SCFD1: variants seen among roughly 807,000 people sequenced by gnomAD.
SCFD1 encodes the protein sec1 family domain containing 1.
In SCFD1, 37 loss-of-function variants were observed where a neutral mutation model predicts 103.2. That is an observed-to-expected ratio of 0.36 (90% CI 0.28 to 0.47). The LOEUF (loss-of-function observed/expected upper bound fraction) is 0.47, where lower values mean the gene tolerates loss of function less well. SCFD1 is among the 20% of genes least tolerant of loss of function. SCFD1 has a pLI of 1.00. For synonymous variants in SCFD1, 264 were observed against 245.0 expected, an observed-to-expected ratio of 1.08 and a Z score of -0.73; for missense variants, 639 against 761.2, an observed-to-expected ratio of 0.84 and a Z score of 1.89.
chr14:30,647,284 T>C (rs75349179), intron 7 of SCFD1, among the ~76,000 whole-genome samples: 1 of 152,306 alleles, frequency 6.6e-6, no homozygotes, highest in African/African-American at 2.4e-5. Flanking sequence ...CTACCATGTA[T>C]AGTCTTAAGA....
intron 17 of SCFD1, among the ~76,000 whole-genome samples, chr14:30,704,428 T>A (rs770202074): frequency 1.3e-5 from 2 of 152,262 alleles, no homozygotes; most frequent in African/African-American, 4.8e-5. Context: ...TTCATGGAAG[T>A]ATTTACTGTT....
rs766347978 is a variant in SCFD1 at position 30,673,973 on chromosome 14, C to A, written c.1136C>A (p.Thr379Asn). 3.2e-5 allele frequency: 52 copies of A among 1,613,498 alleles called. No individual in the cohort carries two copies. In the East Asian group the frequency reaches 1.1e-3, roughly 35 times the overall value. Residue 379 changes from threonine to asparagine, a missense_variant, in exon 13 of 25, where the codon ACC becomes AAC. By Grantham distance (65) the Thr-to-Asn change is moderately conservative (BLOSUM62 0). Coordinates refer to ENST00000458591, the MANE Select transcript of SCFD1 (RefSeq NM_016106.4). The part of the protein sequence containing the change: ...EGAISMLSDN[T>N]AKLTSAVSSL... ...GCCATAAGTATGCTTTCTGACAATA[C>A]CGCTAAGCTAACATCAGCTGTTAGG...
At chr14:30,628,321 A>T (rs1340102535) in intron 2 of SCFD1, 42 bp downstream of exon 2, 1 of 1,335,246 alleles carries the variant, frequency 7.5e-7, no homozygotes, top group Non-Finnish European at 1.1e-6. Flanking sequence ...TGTTTTTCTC[A>T]GCCCTTATTG....
intron 18 of SCFD1, among the ~76,000 whole-genome samples, chr14:30,706,323 A>G (rs1891465656): frequency 6.6e-6 from 1 of 152,226 alleles, no homozygotes; most frequent in Admixed American, 6.5e-5. Context: ...GAGTAAACAC[A>G]TACATACATT....
intron 20 of SCFD1, among the ~76,000 whole-genome samples, chr14:30,718,718 AAATT>A (rs553006379): frequency 1.4e-3 from 217 of 152,344 alleles, no homozygotes; most frequent in Non-Finnish European, 2.3e-3. Flanking sequence ...TTAATTGAAT[AAATT>A]AAAACTAAGG....
At chr14:30,631,553 C>G (rs1468065207) in intron 3 of SCFD1, among the ~76,000 whole-genome samples, 1 of 151,762 alleles carries the variant, frequency 6.6e-6, no homozygotes, top group African/African-American at 2.4e-5. Flanking sequence ...CAGGGAGTGT[C>G]TATATTTTTT....
At position 30,644,007 on chromosome 14, in the gene SCFD1, C is replaced by G. The variant is rs1206616545; in HGVS notation, c.613+602C>G. On this transcript the variant is annotated intron_variant, in intron 7 of 24. Coordinates refer to ENST00000458591, the MANE Select transcript of SCFD1 (RefSeq NM_016106.4). ...GATAGGGAGTTTTTTGACCCTCATC[C>G]TCTATGCTCAGGTAGACCCCAATAT... The G allele has an allele frequency of 6.6e-6, 3 of 456,394 alleles. No individual in the cohort carries two copies. The East Asian group carries it at 2.1e-4, about 32-fold the overall frequency. The allele number at this position is 456,394 out of a possible 1,614,324, so 28.3% of individuals were successfully genotyped here. A position where few individuals can be genotyped will look rare whatever the true frequency, so the allele number is the denominator to read the frequency against.
At chr14:30,650,049 G>A (rs1246382563) in intron 8 of SCFD1, among the ~76,000 whole-genome samples, 1 of 152,170 alleles carries the variant, frequency 6.6e-6, no homozygotes, top group Non-Finnish European at 1.5e-5. Flanking sequence ...ATGAGTAAGG[G>A]ATTAGAGAAA....
chr14:30,705,960 A>G lies in SCFD1; in HGVS notation c.1553+75A>G, dbSNP rs1891440407. On this transcript the variant is annotated intron_variant, in intron 18 of 24. Transcript: ENST00000458591. Reference sequence around the variant, plus strand: ...TAGACTTTCATGCCTTAAAAACACAATGTCTGATACTTTGAATGCGGAAAA... The same window carrying G: ...TAGACTTTCATGCCTTAAAAACACAGTGTCTGATACTTTGAATGCGGAAAA... 5 of 1,165,316 alleles carry G rather than the reference A, an allele frequency of 4.3e-6. No individual in the cohort carries two copies. The African/African-American group carries it at 7.6e-5, about 18-fold the overall frequency. 72.2% of individuals were successfully genotyped at this position (1,165,316 alleles called of 1,614,324 possible).
chr14:30,719,007 G>A (rs1440002204), intron 20 of SCFD1, among the ~76,000 whole-genome samples: 2 of 152,100 alleles, frequency 1.3e-5, no homozygotes, highest in Admixed American at 6.5e-5. Flanking sequence ...TAGACTGCCT[G>A]GGTTCAAATC....
In SCFD1 at chr14:30,626,104, C is replaced by T. The variant is rs1280698746; in HGVS notation, c.62-2105C>T. 2.0e-5 allele frequency among the ~76,000 whole-genome samples: 3 copies of T among 151,896 alleles called. No homozygotes were observed. The East Asian group carries it at 5.8e-4, about 29-fold the overall frequency. ...GGAGAGTTAATCCTGAAACCCCCTC[C>T]GTGCTTCCTGTGTTATTTCAGTTTT... On this transcript the variant is annotated intron_variant, in intron 1 of 24. Transcript: ENST00000458591.
chr14:30,624,888 G>A (rs1354013345), intron 1 of SCFD1, among the ~76,000 whole-genome samples: 1 of 151,896 alleles, frequency 6.6e-6, no homozygotes, highest in Non-Finnish European at 1.5e-5. Flanking sequence ...TTTCTTCTTT[G>A]TGGAGTACTG....
intron 1 of SCFD1, among the ~76,000 whole-genome samples, chr14:30,622,679 C>A (rs1882975595): frequency 6.6e-6 from 1 of 152,202 alleles, no homozygotes; most frequent in African/African-American, 2.4e-5. Flanking sequence ...ACAACAAGAT[C>A]TAGCAGCTGA....
chr14:30,726,070 C>G (rs140528863), intron 23 of SCFD1, among the ~76,000 whole-genome samples: 97 of 152,304 alleles, frequency 6.4e-4, no homozygotes, highest in African/African-American at 2.2e-3. Context: ...CGCTCTTACC[C>G]TTGGTTAAGC....
intron 24 of SCFD1, 36 bp from the exon 25 acceptor site, chr14:30,735,550 T>A (rs543964759): frequency 2.0e-5 from 29 of 1,465,882 alleles, no homozygotes; most frequent in Admixed American, 5.4e-5. Flanking sequence ...TGATCTTTTT[T>A]AAAAGTTTTA....
At chr14:30,722,370 A>G in intron 22 of SCFD1, 124 bp from the exon 23 acceptor site, 1 of 596,440 alleles carries the variant, frequency 1.7e-6, no homozygotes. Context: ...AACATTTCTT[A>G]ATAATTAAAA....
rs139341186 is a variant in SCFD1, at chr14:30,692,378, A to C, written c.1243-2395A>C. Among the ~76,000 whole-genome samples, 529 of 152,296 alleles carry C rather than the reference A, an allele frequency of 3.5e-3. 3 individuals carry two copies. The highest frequency in any genetic ancestry group is 6.0e-3 in the Non-Finnish European group (407 of 68,014). The stretch of plus-strand genomic sequence containing the variant: ...TCTTTGTTATTATGATGAGGTGTAT[A>C]AAGTGCTGTTGATACACAGATAAGG... On this transcript the variant is annotated intron_variant, in intron 14 of 24. Coordinates refer to ENST00000458591, the MANE Select transcript of SCFD1 (RefSeq NM_016106.4).
In SCFD1 at chr14:30,653,538, A is replaced by G. The variant is rs760041814; in HGVS notation, c.805A>G (p.Thr269Ala). 1 of 1,613,604 alleles carries G rather than the reference A, an allele frequency of 6.2e-7. No homozygotes were observed. The highest frequency in any genetic ancestry group is 1.3e-5 in the African/African-American group (1 of 74,988). ...TGTTGACAGAAACATAGATTTGGCAACTCCTTTACATCATACTTGGACATA... is the reference window on the plus strand; with the variant it reads ...TGTTGACAGAAACATAGATTTGGCAGCTCCTTTACATCATACTTGGACATA... ...VLVDRNIDLA[T>A]PLHHTWTYQA... The change falls in exon 10 of 25, where the codon ACT becomes GCT. Residue 269 changes from threonine (T) to alanine (A), a missense_variant. Thr to Ala is a moderately conservative substitution (Grantham distance 58, BLOSUM62 0). Transcript: ENST00000458591.
At chr14:30,677,566 A>G (rs989405192) in intron 14 of SCFD1, among the ~76,000 whole-genome samples, 4 of 152,096 alleles carry the variant, frequency 2.6e-5, no homozygotes, top group Admixed American at 6.5e-5. Context: ...TTCCTTGTCA[A>G]AAGTAGCAGA....
Sources: allele counts gnomAD v4.1 joint callset (sites outside exome capture counted in the v4.1 genomes callset), GRCh38; gene constraint gnomAD v4.1.1; transcripts MANE v1.5; gene names NCBI Gene and HGNC (gene_info 2026-07-23, HGNC 2026-07-21).